RHOH: variants seen among roughly 807,000 people sequenced by gnomAD.
The protein encoded by RHOH is ras homolog family member H.
RHOH carries 6 observed loss-of-function variants against 13.8 expected under a neutral mutation model. The observed-to-expected ratio is 0.44, with a 90% CI of 0.24 to 0.86. The LOEUF (loss-of-function observed/expected upper bound fraction) is 0.86. RHOH is among the 40% of genes least tolerant of loss of function. The pLI is 0.24. For synonymous variants in RHOH, 117 were observed against 103.0 expected (o/e 1.14, Z -0.82); for missense variants, 147 against 244.5 (o/e 0.60, Z 2.66).
At chr4:40,241,834 G>A (rs1729285120) in intron 1 of RHOH, among the ~76,000 whole-genome samples, 1 of 152,204 alleles carries the variant, frequency 6.6e-6, no homozygotes, top group Non-Finnish European at 1.5e-5. Flanking sequence ...AGGCTGCAGT[G>A]AGCTGTGATG....
At chr4:40,202,411 G>A (rs1560683524) in intron 1 of RHOH, among the ~76,000 whole-genome samples, 1 of 152,180 alleles carries the variant, frequency 6.6e-6, no homozygotes, top group Non-Finnish European at 1.5e-5. Flanking sequence ...ACAGCATTTG[G>A]TATGTTAGAA....
intron 1 of RHOH, among the ~76,000 whole-genome samples, chr4:40,230,545 G>A (rs1488320327): frequency 2.7e-5 from 4 of 150,170 alleles, no homozygotes; most frequent in East Asian, 2.0e-4. Context: ...GCCATGTTGC[G>A]GCTAGTTCAA....
At chr4:40,194,721 G>T (rs1011109453), upstream of RHOH, among the ~76,000 whole-genome samples, 3 of 152,170 alleles carry the variant, frequency 2.0e-5, no homozygotes, top group East Asian at 1.9e-4. Context: ...ACATCAAAGT[G>T]GTGCTGTGGG....
Position 40,243,084 on chromosome 4 carries a change from A to T in RHOH, c.-209-94A>T. 1 of 315,882 alleles carries T rather than the reference A, an allele frequency of 3.2e-6. No homozygotes were observed. The highest frequency in any genetic ancestry group is 5.9e-6 in the Non-Finnish European group (1 of 169,596). 19.6% of individuals were successfully genotyped at this position (315,882 alleles called of 1,614,324 possible). A position where few individuals can be genotyped will look rare whatever the true frequency, so the allele number is the denominator to read the frequency against. On this transcript the variant is annotated intron_variant, in intron 2 of 2. Coordinates refer to ENST00000381799, the MANE Select transcript of RHOH (RefSeq NM_004310.5). This position sits in a 1 kb window ranked among gnomAD's most constrained non-coding sequence, Gnocchi z 6.2. Reference sequence around the variant, plus strand: ...GATGGCTACACTGAGATTACCCCACATTTAATCAGTTTGCCAATGAGGAAG... The same window carrying T: ...GATGGCTACACTGAGATTACCCCACTTTTAATCAGTTTGCCAATGAGGAAG...
chr4:40,236,508 C>T (rs1291061049), intron 1 of RHOH, among the ~76,000 whole-genome samples: 8 of 152,038 alleles, frequency 5.3e-5, no homozygotes, highest in East Asian at 1.9e-4. Flanking sequence ...AGTAACTTAC[C>T]GGCTGGCTGC....
At chr4:40,241,177 A>T (rs1460044821) in intron 1 of RHOH, among the ~76,000 whole-genome samples, 1 of 152,204 alleles carries the variant, frequency 6.6e-6, no homozygotes, top group Admixed American at 6.5e-5. Flanking sequence ...CTAGTCTCAA[A>T]TGGGGTCCAT....
chr4:40,198,943 A>G (rs571382880), intron 1 of RHOH, among the ~76,000 whole-genome samples: 16 of 152,276 alleles, frequency 1.1e-4, no homozygotes, highest in African/African-American at 3.1e-4. Context: ...TTTCTGGACC[A>G]TAAAATATCT....
At chr4:40,229,112 G>T (rs1251643558) in intron 1 of RHOH, among the ~76,000 whole-genome samples, 1 of 152,072 alleles carries the variant, frequency 6.6e-6, no homozygotes, top group South Asian at 2.1e-4. Context: ...GTATTGAAGC[G>T]CAAGATTTTC....
chr4:40,230,333 C>G (rs966325399), intron 1 of RHOH, among the ~76,000 whole-genome samples: 1 of 151,732 alleles, frequency 6.6e-6, no homozygotes, highest in African/African-American at 2.4e-5. Context: ...TCATGGCACC[C>G]GGCCTGGACT....
At chr4:40,221,198 G>A (rs899470740) in intron 1 of RHOH, among the ~76,000 whole-genome samples, 39 of 152,250 alleles carry the variant, frequency 2.6e-4, no homozygotes, top group African/African-American at 9.4e-4. Flanking sequence ...CCTTTCCTCT[G>A]CCTGGGCCAA....
upstream of RHOH, chr4:40,193,515 A>AGGGGG (rs1722834724): frequency 1.1e-4 from 5 of 46,940 alleles, no homozygotes; most frequent in East Asian, 1.3e-3. Context: ...AGAGGAGAGG[A>AGGGGG]GGGGCGGGGT....
intron 1 of RHOH, among the ~76,000 whole-genome samples, chr4:40,210,377 T>C (rs2381499): frequency 0.64 from 97,099 of 152,070 alleles, 31,299 homozygotes; most frequent in Admixed American, 0.7. Context: ...TGTTGTCTTT[T>C]GTCATGGCTG....
At chr4:40,236,384 A>C (rs1022986695) in intron 1 of RHOH, among the ~76,000 whole-genome samples, 12 of 152,244 alleles carry the variant, frequency 7.9e-5, no homozygotes, top group African/African-American at 2.9e-4. Flanking sequence ...AGTACTCAGT[A>C]TAGTACTTGG....
intron 1 of RHOH, among the ~76,000 whole-genome samples, chr4:40,225,501 A>G (rs1225345660): frequency 6.6e-6 from 1 of 152,202 alleles, no homozygotes; most frequent in African/African-American, 2.4e-5. Context: ...CTAGGAAAAT[A>G]ATTTTGTCAC....
At chr4:40,214,634 C>T (rs1725665388) in intron 1 of RHOH, among the ~76,000 whole-genome samples, 1 of 152,174 alleles carries the variant, frequency 6.6e-6, no homozygotes, top group Admixed American at 6.5e-5. Context: ...AGATACTAAT[C>T]AGAAAGTTGG....
chr4:40,242,311 C>CA (rs1449728669), intron 1 of RHOH, among the ~76,000 whole-genome samples: 1 of 152,210 alleles, frequency 6.6e-6, no homozygotes, highest in Non-Finnish European at 1.5e-5. Flanking sequence ...TTTGTTTAAC[C>CA]AGGGGCCTAG....
chr4:40,217,631 A>G (rs1274931662), intron 1 of RHOH, among the ~76,000 whole-genome samples: 2 of 152,200 alleles, frequency 1.3e-5, no homozygotes, highest in Non-Finnish European at 2.9e-5. Context: ...ATTGTTCTAC[A>G]ATAGTAAGGA....
chr4:40,197,746 C>G (rs568409814), intron 1 of RHOH, among the ~76,000 whole-genome samples: 1 of 152,300 alleles, frequency 6.6e-6, no homozygotes, highest in East Asian at 1.9e-4. Context: ...GAATTTCTAG[C>G]TTGTGTTTTT....
intron 1 of RHOH, among the ~76,000 whole-genome samples, chr4:40,219,057 C>CAA (rs1726215980): frequency 1.3e-5 from 2 of 152,152 alleles, no homozygotes; most frequent in Admixed American, 1.3e-4. Context: ...GATTTACAAT[C>CAA]TATTACTAAG....
Sources: allele counts gnomAD v4.1 joint callset (sites outside exome capture counted in the v4.1 genomes callset), GRCh38; gene constraint gnomAD v4.1.1; non-coding constraint Gnocchi (gnomAD v3.1); transcripts MANE v1.5; gene names NCBI Gene and HGNC (gene_info 2026-07-23, HGNC 2026-07-21).